KCNH5: variants seen among roughly 807,000 people sequenced by gnomAD.
KCNH5 encodes potassium voltage-gated channel subfamily H member 5.
KCNH5 carries 46 observed loss-of-function variants against 96.1 expected under a neutral mutation model. The observed-to-expected ratio is 0.48, with a 90% confidence interval of 0.38 to 0.61. The LOEUF is 0.61. KCNH5 is among the 20% of genes least tolerant of loss of function. The pLI, the probability that KCNH5 is intolerant of heterozygous loss-of-function variation, is 0.00. For synonymous variants in KCNH5, 439 were observed against 449.8 expected (o/e 0.98, Z 0.30); for missense variants, 907 against 1,225.8 (o/e 0.74, Z 3.88).
intron 9 of KCNH5, among the ~76,000 whole-genome samples, chr14:62,781,200 G>T (rs1299593313): frequency 6.6e-6 from 1 of 152,110 alleles, no homozygotes; most frequent in Non-Finnish European, 1.5e-5. Flanking sequence ...ACAAAAACCA[G>T]CAAGTTTTTA....
At chr14:62,850,043 A>G (rs1887774069) in intron 7 of KCNH5, among the ~76,000 whole-genome samples, 191 bp from the exon 8 acceptor site, 1 of 152,200 alleles carries the variant, frequency 6.6e-6, no homozygotes, top group Admixed American at 6.5e-5. Context: ...TAGGAGAAAC[A>G]TGACTTTATG....
At chr14:62,817,114 T>C (rs1397155379) in intron 8 of KCNH5, among the ~76,000 whole-genome samples, 1 of 139,468 alleles carries the variant, frequency 7.2e-6, no homozygotes, top group Non-Finnish European at 1.5e-5. Flanking sequence ...ATATATGACA[T>C]AATATATTTA....
chr14:63,036,586 CAAG>C (rs1374232054), intron 1 of KCNH5, among the ~76,000 whole-genome samples: 3 of 151,268 alleles, frequency 2.0e-5, no homozygotes, highest in Admixed American at 6.6e-5. Context: ...TTGAGTAGTA[CAAG>C]AAGAGAAATC....
chr14:62,926,929 C>T (rs1889487524), intron 7 of KCNH5, among the ~76,000 whole-genome samples: 1 of 152,070 alleles, frequency 6.6e-6, no homozygotes, highest in South Asian at 2.1e-4. Flanking sequence ...CCTGCTCTGC[C>T]TGTCCCCATT....
intron 8 of KCNH5, among the ~76,000 whole-genome samples, chr14:62,815,535 T>TA (rs987585382): frequency 1.3e-5 from 2 of 152,138 alleles, no homozygotes; most frequent in Non-Finnish European, 2.9e-5. Context: ...TATGAAGTAA[T>TA]ACAGGTTAGT....
intron 2 of KCNH5, among the ~76,000 whole-genome samples, chr14:63,011,101 T>C (rs1891216729): frequency 6.6e-6 from 1 of 152,098 alleles, no homozygotes; most frequent in Non-Finnish European, 1.5e-5. Flanking sequence ...TAAAGGTTAA[T>C]GGGAGGTGGA....
At chr14:62,939,158 C>T (rs185288223) in intron 7 of KCNH5, among the ~76,000 whole-genome samples, 81 of 152,314 alleles carry the variant, frequency 5.3e-4, no homozygotes, top group African/African-American at 1.4e-3. Flanking sequence ...CAGATCTCTT[C>T]TGACTTCCTC....
chr14:62,824,149 A>C (rs182164229), intron 8 of KCNH5, among the ~76,000 whole-genome samples: 14 of 152,232 alleles, frequency 9.2e-5, no homozygotes, highest in Non-Finnish European at 1.5e-5. Flanking sequence ...TATATTTACT[A>C]ATTTATAAGT....
At chr14:62,893,910 T>C (rs1888760091) in intron 7 of KCNH5, among the ~76,000 whole-genome samples, 1 of 152,216 alleles carries the variant, frequency 6.6e-6, no homozygotes, top group African/African-American at 2.4e-5. Context: ...TTTTATTTTA[T>C]TTTAAGAAAT....
chr14:62,866,041 C>T (rs1284723818), intron 7 of KCNH5, among the ~76,000 whole-genome samples: 1 of 152,148 alleles, frequency 6.6e-6, no homozygotes, highest in Non-Finnish European at 1.5e-5. Context: ...AGGAAAACTC[C>T]ATCATCTGGA....
At chr14:63,000,768 T>C (rs942225680) in intron 4 of KCNH5, among the ~76,000 whole-genome samples, 4 of 152,174 alleles carry the variant, frequency 2.6e-5, no homozygotes, top group Non-Finnish European at 4.4e-5. Flanking sequence ...ATTCCAATCA[T>C]ATTGATTCAA....
intron 7 of KCNH5, among the ~76,000 whole-genome samples, chr14:62,907,185 G>A (rs984471851): frequency 6.6e-6 from 1 of 152,068 alleles, no homozygotes; most frequent in African/African-American, 2.4e-5. Flanking sequence ...CAGGATGTTG[G>A]CTTGGATGTG....
intron 5 of KCNH5, among the ~76,000 whole-genome samples, chr14:62,984,758 A>G (rs1298856100): frequency 1.3e-5 from 2 of 152,086 alleles, no homozygotes; most frequent in African/African-American, 4.8e-5. Flanking sequence ...ATCACAGAGC[A>G]AAGAAAAAAA....
At chr14:62,910,849 C>T (rs1363007365) in intron 7 of KCNH5, among the ~76,000 whole-genome samples, 1 of 150,326 alleles carries the variant, frequency 6.7e-6, no homozygotes, top group Non-Finnish European at 1.5e-5. Context: ...TCAAATGTTA[C>T]TTTATCAGAG....
At chr14:63,004,724 C>G (rs1354830370) in intron 3 of KCNH5, among the ~76,000 whole-genome samples, 1 of 152,154 alleles carries the variant, frequency 6.6e-6, no homozygotes, top group Admixed American at 6.5e-5. Flanking sequence ...CCTGCCTCAG[C>G]CTCCTGAGTA....
intron 10 of KCNH5, among the ~76,000 whole-genome samples, chr14:62,778,516 C>T (rs1166857552): frequency 6.6e-6 from 1 of 152,206 alleles, no homozygotes; most frequent in Non-Finnish European, 1.5e-5. Flanking sequence ...CTGAAAGGGA[C>T]TCTGAGCTCC....
At chr14:62,920,639 A>G (rs1416081663) in intron 7 of KCNH5, among the ~76,000 whole-genome samples, 1 of 152,178 alleles carries the variant, frequency 6.6e-6, no homozygotes, top group African/African-American at 2.4e-5. Context: ...AAAATGCTTG[A>G]AACAAACTGA....
At chr14:62,933,320 A>G (rs2140117343) in intron 7 of KCNH5, among the ~76,000 whole-genome samples, 1 of 152,334 alleles carries the variant, frequency 6.6e-6, no homozygotes, top group African/African-American at 2.4e-5. Context: ...ATCACAGTAT[A>G]ACATATGACT....
chr14:62,883,950 T>C (rs1888543809), intron 7 of KCNH5, among the ~76,000 whole-genome samples: 1 of 152,084 alleles, frequency 6.6e-6, no homozygotes, highest in Non-Finnish European at 1.5e-5. Flanking sequence ...TCTAGGTATA[T>C]AATCATAGCC....
Sources: gnomAD v4.1 joint callset for allele counts (sites outside exome capture counted in the v4.1 genomes callset) on GRCh38, gnomAD v4.1.1 for gene constraint, MANE v1.5 for transcripts, NCBI Gene and HGNC (gene_info 2026-07-23, HGNC 2026-07-21) for gene names.